The following TFDP2 variants were observed in gnomAD, a reference collection of about 807,000 sequenced individuals.
The protein encoded by TFDP2 is transcription factor Dp-2, also known as transcription factor Dp-2 (E2F dimerization partner 2).
In TFDP2, 17 loss-of-function variants were observed where a neutral mutation model predicts 59.3. That is an observed-to-expected ratio of 0.29 (90% CI 0.20 to 0.43). The LOEUF (loss-of-function observed/expected upper bound fraction) is 0.43. TFDP2 is among the 20% of genes least tolerant of loss of function. TFDP2 has a pLI of 1.00. For synonymous variants in TFDP2, 180 were observed against 194.7 expected, an observed-to-expected ratio of 0.92 and a Z score of 0.63; for missense variants, 391 against 528.8, an observed-to-expected ratio of 0.74 and a Z score of 2.56.
rs994817001 is a variant in TFDP2, at chr3:142,107,248, T to C, written c.-92-5407A>G. 3.3e-5 allele frequency among the ~76,000 whole-genome samples: 5 copies of C among 151,824 alleles called. No individual in the cohort carries two copies. The South Asian group carries it at 6.2e-4, about 19-fold the overall frequency. Reference sequence around the variant, plus strand: ...TTTTTTTCTTTTCTTTTTTTTTTTTTCGAGACGGAGTCTTGCTCTGTCACC... The same window carrying C: ...TTTTTTTCTTTTCTTTTTTTTTTTTCCGAGACGGAGTCTTGCTCTGTCACC... On this transcript the variant is annotated intron_variant, in intron 1 of 12. Coordinates refer to ENST00000489671, the MANE Select transcript of TFDP2 (RefSeq NM_001178139.2).
intron 3 of TFDP2, among the ~76,000 whole-genome samples, chr3:142,088,754 G>C (rs150710331): frequency 6.6e-6 from 1 of 151,712 alleles, no homozygotes; most frequent in Non-Finnish European, 1.5e-5. Context: ...GGGATCATAG[G>C]CATGAGCTAC....
At chr3:142,139,976 C>CAA (rs2062879657) in intron 1 of TFDP2, among the ~76,000 whole-genome samples, 1 of 152,192 alleles carries the variant, frequency 6.6e-6, no homozygotes, top group Non-Finnish European at 1.5e-5. Flanking sequence ...AACTTGGTTC[C>CAA]ATTGTCCCCG....
Position 141,952,896 on chromosome 3 carries a change from G to GA in TFDP2, c.1157+14dup. 1 of 1,612,184 alleles carries GA rather than the reference G, an allele frequency of 6.2e-7. No homozygotes were observed. The highest frequency in any genetic ancestry group is 8.5e-7 in the Non-Finnish European group (1 of 1,178,356). On this transcript the variant is annotated intron_variant, in intron 12 of 12. Coordinates refer to ENST00000489671, the MANE Select transcript of TFDP2 (RefSeq NM_001178139.2). ...CTCTGGGGTTTGCCTTTCTAACCCT[G>GA]AAAAAAATACGTACCTTGACTGGGG... is the stretch of plus-strand genomic sequence containing the variant.
At position 142,009,439 on chromosome 3, in the gene TFDP2, C is replaced by T. The variant is rs893097826; in HGVS notation, c.83-3895G>A. On this transcript the variant is annotated intron_variant, in intron 3 of 12. Coordinates refer to ENST00000489671, the MANE Select transcript of TFDP2 (RefSeq NM_001178139.2). ...TCTTAAAACAAAATGTGGCCGGGCA[C>T]GGTGGCTCATGCCTGTAATCCCAGC... Among the ~76,000 whole-genome samples the T allele has an allele frequency of 7.8e-4, 119 of 152,008 alleles. 1 individual carries two copies. Among genetic ancestry groups the T allele is most frequent in the Admixed American group, 7.7e-3 (118 of 15,262 alleles).
At chr3:142,122,570 C>A (rs1418640821) in intron 1 of TFDP2, among the ~76,000 whole-genome samples, 1 of 152,134 alleles carries the variant, frequency 6.6e-6, no homozygotes. Flanking sequence ...GAAATTGAAC[C>A]AATGATATTG....
intron 6 of TFDP2, chr3:141,989,040 T>C (rs1224632151): frequency 6.6e-6 from 1 of 152,238 alleles, no homozygotes; most frequent in Non-Finnish European, 1.5e-5. Context: ...TTATCTCTTC[T>C]CAGGAACCTT....
rs1267813901 is a variant in TFDP2, at chr3:142,075,957, T to C, written c.82+17104A>G. 2.5e-4 allele frequency among the ~76,000 whole-genome samples: 37 copies of C among 148,068 alleles called. No individual in the cohort carries two copies. The East Asian group carries it at 7.1e-3, about 28-fold the overall frequency. On this transcript the variant is annotated intron_variant, in intron 3 of 12. Coordinates refer to ENST00000489671, the MANE Select transcript of TFDP2 (RefSeq NM_001178139.2). ...CCGGCATGGTGGCTCACGCCTGTAG[T>C]CCCAGCACTTCAGGAGGCTGAGGCG...
chr3:141,973,123 A>ATATATATTTTTT, intron 8 of TFDP2, among the ~76,000 whole-genome samples: 2 of 58,026 alleles, frequency 3.4e-5, no homozygotes, highest in African/African-American at 1.3e-4. Context: ...ATATATATAT[A>ATATATATTTTTT]TTTTTTTTTT....
In TFDP2 at chr3:141,975,678, A is replaced by C. The variant is rs1405827056; in HGVS notation, c.520-1487T>G. On this transcript the variant is annotated intron_variant, in intron 7 of 12. Coordinates refer to ENST00000489671, the MANE Select transcript of TFDP2 (RefSeq NM_001178139.2). ...CACTGCACTCCAGTCTGGGTGACAG[A>C]GCTAGACTCTGTCTCAAAAAAAAAA... is the stretch of plus-strand genomic sequence containing the variant. Among the ~76,000 whole-genome samples, 3 of 141,034 alleles carry C rather than the reference A, an allele frequency of 2.1e-5. No individual in the cohort carries two copies. In the East Asian group the frequency reaches 6.3e-4, roughly 30 times the overall value. 92.5% of individuals were successfully genotyped at this position (141,034 alleles called of 152,430 possible).
intron 6 of TFDP2, among the ~76,000 whole-genome samples, chr3:141,981,410 A>G (rs979530618): frequency 6.6e-6 from 1 of 152,182 alleles, no homozygotes; most frequent in Non-Finnish European, 1.5e-5. Flanking sequence ...TCATTAAGTG[A>G]TGTGGGACTG....
chr3:142,044,223 A>T (rs1451206468), intron 3 of TFDP2: 4 of 285,394 alleles, frequency 1.4e-5, no homozygotes. Flanking sequence ...CAGCAGCAAA[A>T]GGGTTTTTTT....
chr3:142,081,269 A>C (rs369223761), intron 3 of TFDP2, among the ~76,000 whole-genome samples: 1 of 152,194 alleles, frequency 6.6e-6, no homozygotes, highest in African/African-American at 2.4e-5. Context: ...AAGAAATTTA[A>C]AATGTACTTG....
intron 8 of TFDP2, among the ~76,000 whole-genome samples, chr3:141,973,117 ATATATATTTTT>A (rs1559951587): frequency 2.2e-5 from 2 of 91,860 alleles, no homozygotes; most frequent in African/African-American, 7.9e-5. Flanking sequence ...ATATATATAT[ATATATATTTTT>A]TTTTTTTAAA....
At chr3:141,987,204 G>C (rs1327813089) in intron 6 of TFDP2, among the ~76,000 whole-genome samples, 1 of 151,980 alleles carries the variant, frequency 6.6e-6, no homozygotes, top group Non-Finnish European at 1.5e-5. Flanking sequence ...GATTCTCCTT[G>C]TTTCTTATGC....
Position 142,149,412 on chromosome 3 carries a change from G to GC in TFDP2, c.-323dup, listed in dbSNP as rs1016463316. 5 of 383,984 alleles carry GC rather than the reference G, an allele frequency of 1.3e-5. No individual in the cohort carries two copies. Among genetic ancestry groups the GC allele is most frequent in the African/African-American group, 6.3e-5 (3 of 47,910 alleles). 23.8% of individuals were successfully genotyped at this position (383,984 alleles called of 1,614,324 possible). On this transcript the variant is annotated 5_prime_UTR_variant, in exon 1 of 13. Transcript: ENST00000489671. ...GCCTGCCCAAAGATGAAGGGTCAGGGCGCGCCCCGCGGGCCGGGCAGCTGC... is the reference window on the plus strand; with the variant it reads ...GCCTGCCCAAAGATGAAGGGTCAGGGCCGCGCCCCGCGGGCCGGGCAGCTGC...
chr3:142,031,158 A>G (rs1946414200), intron 3 of TFDP2, among the ~76,000 whole-genome samples: 1 of 152,216 alleles, frequency 6.6e-6, no homozygotes, highest in African/African-American at 2.4e-5. Context: ...CAATAAACCT[A>G]ACAGCAACCC....
At chr3:141,954,154 C>T (rs1329063799) in intron 11 of TFDP2, among the ~76,000 whole-genome samples, 1 of 150,948 alleles carries the variant, frequency 6.6e-6, no homozygotes, top group Non-Finnish European at 1.5e-5. Context: ...GAGCGAAACT[C>T]CATCTCAAAA....
chr3:142,001,773 T>C (rs1943790782), intron 4 of TFDP2, among the ~76,000 whole-genome samples: 1 of 152,208 alleles, frequency 6.6e-6, no homozygotes, highest in Non-Finnish European at 1.5e-5. Context: ...TTTGACCAAA[T>C]ATCCAATTTC....
intron 11 of TFDP2, among the ~76,000 whole-genome samples, chr3:141,954,972 T>TG (rs1204276244): frequency 1.3e-5 from 2 of 152,036 alleles, no homozygotes; most frequent in Admixed American, 1.3e-4. Flanking sequence ...TTGAGACAGC[T>TG]GGGAAAAAAA....
Sources: gnomAD v4.1 joint callset for allele counts (sites outside exome capture counted in the v4.1 genomes callset) on GRCh38, gnomAD v4.1.1 for gene constraint, MANE v1.5 for transcripts, NCBI Gene and HGNC (gene_info 2026-07-23, HGNC 2026-07-21) for gene names.